Variants in KIF17 observed in about 807,000 individuals in gnomAD.
KIF17 encodes the protein kinesin-like protein KIF17.
In KIF17, 80 loss-of-function variants were observed where a neutral mutation model predicts 96.8. The ratio of observed to expected loss-of-function variants is 0.83; its 90% CI spans 0.69 to 1.00. KIF17 has a LOEUF of 1.00. KIF17 is among the 50% of genes least tolerant of loss of function. The pLI is 0.00. For missense variants in KIF17, 1,280 were observed against 1,372.9 expected (o/e 0.93, Z 1.07); for synonymous variants, 567 against 587.5 (o/e 0.97, Z 0.51).
chr1:20,683,940 C>T (rs2053880217), intron 10 of KIF17, among the ~76,000 whole-genome samples: 1 of 151,704 alleles, frequency 6.6e-6, no homozygotes, highest in South Asian at 2.1e-4. Flanking sequence ...CTCCACACCA[C>T]ACTGTGAAAA....
chr1:20,683,388 C>T lies in KIF17; in HGVS notation c.2232-504G>A, dbSNP rs1030589993. Among the ~76,000 whole-genome samples the T allele has an allele frequency of 7.2e-5, 11 of 152,318 alleles. No individual in the cohort carries two copies. In the South Asian group the frequency reaches 1.7e-3, roughly 23 times the overall value. On this transcript the variant is annotated intron_variant, in intron 10 of 14. Coordinates refer to ENST00000400463, the MANE Select transcript of KIF17 (RefSeq NM_001122819.3). ...ACAAATTTTTGGCTGGGTGCAGTGG[C>T]TCACGCCTGTAATCCCAGCACTTTG...
At position 20,685,173 on chromosome 1, in the gene KIF17, C is replaced by A. The variant is rs1045918442; in HGVS notation, c.2020-153G>T. The stretch of plus-strand genomic sequence containing the variant: ...CAGGGACACCAGTGACACAAAAACA[C>A]GCCCTGTTGAGTTCTTACTGCCGCT... On this transcript the variant is annotated intron_variant, in intron 9 of 14. Transcript: ENST00000400463. The surrounding 1 kb of genome is among the most constrained non-coding windows in gnomAD (Gnocchi z 4.1). The A allele has an allele frequency of 2.8e-6, 2 of 724,672 alleles. No individual in the cohort carries two copies. The highest frequency in any genetic ancestry group is 1.7e-5 in the African/African-American group (1 of 57,410). The allele number at this position is 724,672 out of a possible 1,614,324, so 44.9% of individuals were successfully genotyped here.
intron 3 of KIF17, among the ~76,000 whole-genome samples, chr1:20,712,650 ATAT>A (rs1487368626): frequency 0.016 from 1,275 of 82,208 alleles, 280 homozygotes; most frequent in African/African-American, 0.072. Flanking sequence ...AATATAGATA[ATAT>A]TATCTATATA....
chr1:20,680,645 G>A (rs1401323312), intron 11 of KIF17, among the ~76,000 whole-genome samples: 1 of 152,000 alleles, frequency 6.6e-6, no homozygotes, highest in Non-Finnish European at 1.5e-5. Flanking sequence ...GCATTCACAG[G>A]TATGAACATT....
rs757612024 is a variant in KIF17 at position 20,687,513 on chromosome 1, G to T, written c.1813C>A (p.Pro605Thr). The T allele has an allele frequency of 6.8e-6, 11 of 1,613,142 alleles. No homozygotes were observed. Among genetic ancestry groups the T allele is most frequent in the Non-Finnish European group, 9.3e-6 (11 of 1,179,466 alleles). ...YLPQEEPQEVPLQGLLGLQDP... is the reference protein window; with the variant it reads ...YLPQEEPQEVTLQGLLGLQDP... ...TGCAGGCCTAGTAACCCCTGCAGGGGCACCTCCTGCGGCTCCTCTTGCGGG... is the reference window on the plus strand; with the variant it reads ...TGCAGGCCTAGTAACCCCTGCAGGGTCACCTCCTGCGGCTCCTCTTGCGGG... Residue 605 changes from proline to threonine, a missense_variant, in exon 8 of 15, where the codon CCC becomes ACC. By Grantham distance (38) the Pro-to-Thr change is conservative. Transcript: ENST00000400463. This position sits in a 1 kb window ranked among gnomAD's most constrained non-coding sequence, Gnocchi z 4.4.
At position 20,712,608 on chromosome 1, in the gene KIF17, A is replaced by C. The variant is rs867672753; in HGVS notation, c.480+846T>G. 2.4e-4 allele frequency among the ~76,000 whole-genome samples: 5 copies of C among 20,798 alleles called. 1 individual carries two copies. The highest frequency in any genetic ancestry group is 4.9e-4 in the African/African-American group (4 of 8,146). The allele number at this position is 20,798 out of a possible 152,430, so 13.6% of individuals were successfully genotyped here. ...TATATATATATCTATATATATCTAT[A>C]TATATATAATATAGATAATATCTAT... On this transcript the variant is annotated intron_variant, in intron 3 of 14. Coordinates refer to ENST00000400463, the MANE Select transcript of KIF17 (RefSeq NM_001122819.3).
chr1:20,666,289 C>T lies in KIF17; in HGVS notation c.2833G>A (p.Glu945Lys), dbSNP rs1216441576. The change falls in exon 14 of 15, where the codon GAA becomes AAA. Residue 945 changes from glutamate (E) to lysine (K), a missense_variant. By Grantham distance (56) the Glu-to-Lys change is moderately conservative. Coordinates refer to ENST00000400463, the MANE Select transcript of KIF17 (RefSeq NM_001122819.3). ...CGGAAGTAGTTGCTGGCAATGTTTTCACTGTTGCTCCGACTGAGCATGAGC... is the reference window on the plus strand; with the variant it reads ...CGGAAGTAGTTGCTGGCAATGTTTTTACTGTTGCTCCGACTGAGCATGAGC... Reference protein sequence around the residue: ...YRLMLSRSNSENIASNYFRSK... With the variant: ...YRLMLSRSNSKNIASNYFRSK... 4 of 1,614,216 alleles carry T rather than the reference C, an allele frequency of 2.5e-6. No homozygotes were observed. Among genetic ancestry groups the T allele is most frequent in the Non-Finnish European group, 3.4e-6 (4 of 1,180,040 alleles).
Position 20,717,475 on chromosome 1 carries a change from C to T in KIF17, c.231+1G>A, listed in dbSNP as rs140804928. On this transcript the variant is annotated splice_donor_variant, in intron 1 of 14. Transcript: ENST00000400463. LOFTEE classifies it high-confidence loss of function. ...CAGGGCGGCCTGCCGGGCGCCCTCA[C>T]CTCCACCAGCGGATAGGCGATCTCG... 1 of 1,610,824 alleles carries T rather than the reference C, an allele frequency of 6.2e-7. No individual in the cohort carries two copies. The highest frequency in any genetic ancestry group is 8.5e-7 in the Non-Finnish European group (1 of 1,179,570).
At chr1:20,707,843 A>T (rs1374102209) in intron 4 of KIF17, among the ~76,000 whole-genome samples, 2 of 138,642 alleles carry the variant, frequency 1.4e-5, no homozygotes, top group East Asian at 2.0e-4. Flanking sequence ...GTGTATAAAA[A>T]ATATATATGT....
intron 13 of KIF17, among the ~76,000 whole-genome samples, chr1:20,668,241 C>T (rs1482624356): frequency 1.1e-4 from 17 of 151,532 alleles, no homozygotes; most frequent in Non-Finnish European, 2.2e-4. Flanking sequence ...ACCTGGGAGG[C>T]GGAGCTTGCC....
downstream of KIF17, among the ~76,000 whole-genome samples, chr1:20,661,752 A>G (rs943100826): frequency 1.3e-5 from 2 of 152,236 alleles, no homozygotes; most frequent in Admixed American, 1.3e-4. Context: ...CGCGTCCTGG[A>G]CAGGGTGTTT....
chr1:20,717,779 A>G lies in KIF17; in HGVS notation c.-73T>C. 1 of 1,441,172 alleles carries G rather than the reference A, an allele frequency of 6.9e-7. No homozygotes were observed. Among genetic ancestry groups the G allele is most frequent in the Non-Finnish European group, 9.0e-7 (1 of 1,105,354 alleles). The allele number at this position is 1,441,172 out of a possible 1,614,324, so 89.3% of individuals were successfully genotyped here. A position where few individuals can be genotyped will look rare whatever the true frequency, so the allele number is the denominator to read the frequency against. On this transcript the variant is annotated 5_prime_UTR_variant, in exon 1 of 15. Transcript: ENST00000400463. ...CGGGGACTCCCAGCAGCCCGGGCCA[A>G]GGGGCGGGGCCAGCGCCGGCCACGG...
intron 13 of KIF17, 26 bp downstream of exon 13, chr1:20,670,395 C>T: frequency 6.2e-7 from 1 of 1,610,172 alleles, no homozygotes; most frequent in Non-Finnish European, 8.5e-7. Flanking sequence ...CCCCCGACAC[C>T]CCACTCCCTC....
At chr1:20,681,922 G>A (rs1294775709) in intron 11 of KIF17, among the ~76,000 whole-genome samples, 4 of 152,134 alleles carry the variant, frequency 2.6e-5, no homozygotes, top group Non-Finnish European at 4.4e-5. Flanking sequence ...GGCATGCTTT[G>A]TGGAAAGCAC....
chr1:20,685,089 G>T lies in KIF17; in HGVS notation c.2020-69C>A. 7.6e-7 allele frequency: 1 copy of T among 1,311,012 alleles called. No homozygotes were observed. The highest frequency in any genetic ancestry group is 1.1e-6 in the Non-Finnish European group (1 of 928,170). 81.2% of individuals were successfully genotyped at this position (1,311,012 alleles called of 1,614,324 possible). A position where few individuals can be genotyped will look rare whatever the true frequency, so the allele number is the denominator to read the frequency against. On this transcript the variant is annotated intron_variant, in intron 9 of 14. Coordinates refer to ENST00000400463, the MANE Select transcript of KIF17 (RefSeq NM_001122819.3). This position sits in a 1 kb window ranked among gnomAD's most constrained non-coding sequence, Gnocchi z 4.1. ...CAACCCCCGCCGACAGCTCCCAGGT[G>T]GCTCAATCCCAGACGGGGCCATTCC...
Position 20,685,129 on chromosome 1 carries a change from C to CGACA in KIF17, c.2020-113_2020-110dup, listed in dbSNP as rs147992129. The CGACA allele has an allele frequency of 0.058, 47,987 of 822,756 alleles. 2,933 individuals are homozygous for CGACA. The highest frequency in any genetic ancestry group is 0.3 in the East Asian group (11,399 of 37,570). The allele number at this position is 822,756 out of a possible 1,614,324, so 51.0% of individuals were successfully genotyped here. A position where few individuals can be genotyped will look rare whatever the true frequency, so the allele number is the denominator to read the frequency against. On this transcript the variant is annotated intron_variant, in intron 9 of 14. Transcript: ENST00000400463. The surrounding 1 kb of genome is among the most constrained non-coding windows in gnomAD (Gnocchi z 4.1). ...GGGGCCATTCCGCCTGCTGCAGCCC[C>CGACA]GACAGATCACCTCCAGCTCAGGGAC... is the stretch of plus-strand genomic sequence containing the variant.
intron 7 of KIF17, among the ~76,000 whole-genome samples, chr1:20,688,252 G>C (rs2053976325): frequency 6.6e-6 from 1 of 151,984 alleles, no homozygotes; most frequent in Non-Finnish European, 1.5e-5. Flanking sequence ...GTTTCACCAT[G>C]TTAGCCAGGA....
At chr1:20,674,516 C>A (rs908286022) in intron 11 of KIF17, among the ~76,000 whole-genome samples, 1 of 151,670 alleles carries the variant, frequency 6.6e-6, no homozygotes, top group Non-Finnish European at 1.5e-5. Context: ...CCTCCCACTT[C>A]GGCCTCCCAA....
Position 20,682,888 on chromosome 1 carries a change from C to A in KIF17, c.2232-4G>T. Reference sequence around the variant, plus strand: ...CTGCTGCTCCAACAGCTGCAGACTGCCGGCGTGGAGGAGAAAGCAAACAAG... The same window carrying A: ...CTGCTGCTCCAACAGCTGCAGACTGACGGCGTGGAGGAGAAAGCAAACAAG... On this transcript the variant is annotated splice_region_variant and splice_polypyrimidine_tract_variant and intron_variant, in intron 10 of 14. Transcript: ENST00000400463. 1 of 1,607,786 alleles carries A rather than the reference C, an allele frequency of 6.2e-7. No homozygotes were observed. The highest frequency in any genetic ancestry group is 8.5e-7 in the Non-Finnish European group (1 of 1,178,570).
Sources: gnomAD v4.1 joint callset for allele counts (sites outside exome capture counted in the v4.1 genomes callset) on GRCh38, gnomAD v4.1.1 for gene constraint, Gnocchi (gnomAD v3.1) non-coding constraint, MANE v1.5 for transcripts, NCBI Gene and HGNC (gene_info 2026-07-23, HGNC 2026-07-21) for gene names.